Variants in CDK12 observed in about 807,000 individuals in gnomAD.
CDK12 encodes cyclin dependent kinase 12.
A neutral mutation model predicts 133.8 loss-of-function variants in CDK12; 17 were observed. The observed-to-expected ratio is 0.13, with a 90% CI of 0.09 to 0.19. The LOEUF (loss-of-function observed/expected upper bound fraction) is 0.19. Among genes scored for constraint, CDK12 ranks in the 10% least tolerant of loss-of-function variants. The pLI is 1.00. For missense variants in CDK12, 1,508 were observed against 1,818.7 expected (o/e 0.83, Z 3.11); for synonymous variants, 694 against 683.6 (o/e 1.02, Z -0.24).
Position 39,475,837 on chromosome 17 carries a change from G to A in CDK12, c.1931+4074G>A, listed in dbSNP as rs182655314. ...TGAGATTACAGGTGTGAGCCACCAT[G>A]TCAGGAACAGAATCTCAAATTTATG... On this transcript the variant is annotated intron_variant, in intron 2 of 13. Transcript: ENST00000447079. 2.5e-3 allele frequency among the ~76,000 whole-genome samples: 385 copies of A among 152,056 alleles called. 4 individuals are homozygous for A. The South Asian group carries it at 0.029, about 11-fold the overall frequency.
chr17:39,467,706 A>T (rs1234176337), intron 1 of CDK12, among the ~76,000 whole-genome samples: 2 of 152,054 alleles, frequency 1.3e-5, no homozygotes, highest in Non-Finnish European at 2.9e-5. Context: ...CCTGGGATAG[A>T]GATGTTACTT....
chr17:39,462,946 C>T lies in CDK12; in HGVS notation c.875C>T (p.Pro292Leu), dbSNP rs756879790. Residue 292 changes from proline (P) to leucine (L), a missense_variant, in exon 1 of 14, where the codon CCG becomes CTG. Pro to Leu is a moderately conservative substitution (Grantham distance 98). Coordinates refer to ENST00000447079, the MANE Select transcript of CDK12 (RefSeq NM_016507.4). Reference protein sequence around the residue: ...PSAYQSSTRSPSPYSRRQRSV... With the variant: ...PSAYQSSTRSLSPYSRRQRSV... ...GCCTACCAGTCCAGCACCCGGTCAC[C>T]GAGCCCCTACAGTAGGCGACAGAGA... The T allele has an allele frequency of 1.9e-6, 3 of 1,614,182 alleles. No homozygotes were observed. In the South Asian group the frequency reaches 3.3e-5, roughly 18 times the overall value.
At position 39,463,131 on chromosome 17, in the gene CDK12, C is replaced by T. The variant is rs1159197150; in HGVS notation, c.1046+14C>T. ...TCCACTCCCCAGGTGAGCTATTTGT[C>T]TAACAGTCCTTCCTCATTTAGGGTG... On this transcript the variant is annotated intron_variant, in intron 1 of 13. Coordinates refer to ENST00000447079, the MANE Select transcript of CDK12 (RefSeq NM_016507.4). The T allele has an allele frequency of 6.2e-7, 1 of 1,606,978 alleles. No individual in the cohort carries two copies. Among genetic ancestry groups the T allele is most frequent in the Non-Finnish European group, 8.5e-7 (1 of 1,175,422 alleles).
rs754262105 is a variant in CDK12, at chr17:39,462,228, A to G, written c.157A>G (p.Met53Val). Reference protein sequence around the residue: ...KRHKSKHSKDMGLVTPEAASL... With the variant: ...KRHKSKHSKDVGLVTPEAASL... Reference sequence around the variant, plus strand: ...GCATAAGTCCAAACACTCCAAAGACATGGGGTTGGTGACCCCCGAAGCAGC... The same window carrying G: ...GCATAAGTCCAAACACTCCAAAGACGTGGGGTTGGTGACCCCCGAAGCAGC... The change falls in exon 1 of 14, where the codon ATG (methionine) becomes GTG (valine). Residue 53 changes from methionine to valine, a missense_variant. Physicochemically the swap from Met to Val is conservative, Grantham distance 21 (BLOSUM62 1). Coordinates refer to ENST00000447079, the MANE Select transcript of CDK12 (RefSeq NM_016507.4). 12 of 1,614,222 alleles carry G rather than the reference A, an allele frequency of 7.4e-6. No individual in the cohort carries two copies. The highest frequency in any genetic ancestry group is 1.0e-5 in the Non-Finnish European group (12 of 1,180,042).
At chr17:39,537,545 T>TTTATTTA (rs2055188601), downstream of CDK12, among the ~76,000 whole-genome samples, 2 of 142,486 alleles carry the variant, frequency 1.4e-5, no homozygotes, top group Non-Finnish European at 1.5e-5. Context: ...AATTCCTTAT[T>TTTATTTA]TTTATTTATT....
chr17:39,492,009 G>T (rs1598030168), intron 3 of CDK12, among the ~76,000 whole-genome samples: 1 of 126,736 alleles, frequency 7.9e-6, no homozygotes, highest in East Asian at 2.3e-4. Flanking sequence ...TGCCTGTAGA[G>T]TACTAAAAAA....
At chr17:39,534,697 T>G (rs1201237991), downstream of CDK12, 2 of 196,280 alleles carry the variant, frequency 1.0e-5, no homozygotes, top group African/African-American at 4.6e-5. Context: ...CAAAAGGTTA[T>G]CAGGATTTGA....
At chr17:39,490,458 C>A in intron 2 of CDK12, 99 bp from the exon 3 acceptor site, 1 of 708,386 alleles carries the variant, frequency 1.4e-6, no homozygotes, top group Non-Finnish European at 2.2e-6. Context: ...AAAATTAGAT[C>A]TTTCTAACCT....
chr17:39,473,538 T>C (rs117380745), intron 2 of CDK12, among the ~76,000 whole-genome samples: 8,036 of 151,038 alleles, frequency 0.053, 243 homozygotes, highest in Non-Finnish European at 0.078. Context: ...AACCCAGGAG[T>C]TCAAGACCAG....
chr17:39,513,494 T>C (rs2053614578), intron 8 of CDK12, among the ~76,000 whole-genome samples: 2 of 152,216 alleles, frequency 1.3e-5, no homozygotes, highest in South Asian at 4.1e-4. Context: ...CAATTTGCTT[T>C]AACAGTATTA....
intron 1 of CDK12, 146 bp from the exon 2 acceptor site, chr17:39,470,733 T>C: frequency 1.6e-6 from 1 of 640,756 alleles, no homozygotes; most frequent in East Asian, 2.9e-5. Flanking sequence ...ATTGGGCTGG[T>C]TTCTCAGACT....
chr17:39,535,609 G>C (rs2055098397), downstream of CDK12, among the ~76,000 whole-genome samples: 1 of 152,092 alleles, frequency 6.6e-6, no homozygotes, highest in African/African-American at 2.4e-5. Context: ...GGGCCTAAAG[G>C]CTGAGGACCT....
rs190190310 is a variant in CDK12, at chr17:39,522,686, G to T, written c.3096-1988G>T. On this transcript the variant is annotated intron_variant, in intron 11 of 13. Transcript: ENST00000447079. ...TGACCTCAGGTGATTCGCCTGCCTC[G>T]TCCTCCCAAAGTGCTGTGATTATAG... is the stretch of plus-strand genomic sequence containing the variant. 5.3e-4 allele frequency among the ~76,000 whole-genome samples: 80 copies of T among 152,134 alleles called. No homozygotes were observed. The East Asian group carries it at 0.014, about 27-fold the overall frequency.
chr17:39,507,867 A>G (rs1161153484), intron 6 of CDK12, among the ~76,000 whole-genome samples: 1 of 152,176 alleles, frequency 6.6e-6, no homozygotes, highest in Non-Finnish European at 1.5e-5. Context: ...AACTTAATGT[A>G]ATGGTGTTTG....
At chr17:39,490,535 T>C (rs2051507894) in intron 2 of CDK12, 22 bp from the exon 3 acceptor site, 3 of 1,543,848 alleles carry the variant, frequency 1.9e-6, no homozygotes. Context: ...AATTTTGTCA[T>C]CTCTTCTCAT....
intron 4 of CDK12, among the ~76,000 whole-genome samples, chr17:39,493,170 T>TTG (rs1467809549): frequency 1.3e-4 from 20 of 150,260 alleles, no homozygotes; most frequent in African/African-American, 4.4e-4. Flanking sequence ...ATTTTTGTTT[T>TTG]TTTTTTTTTT....
At chr17:39,468,949 C>T (rs548607927) in intron 1 of CDK12, among the ~76,000 whole-genome samples, 24 of 152,274 alleles carry the variant, frequency 1.6e-4, no homozygotes, top group African/African-American at 5.5e-4. Context: ...CTCCCTCAGC[C>T]TCCCAAGTAG....
chr17:39,479,308 GAAAAAAAAAA>G (rs34077108), intron 2 of CDK12, among the ~76,000 whole-genome samples: 1 of 100,448 alleles, frequency 1.0e-5, no homozygotes, highest in Admixed American at 1.3e-4. Context: ...GACTCCGTCT[GAAAAAAAAAA>G]AAAAAAAAAA....
At chr17:39,485,454 G>A (rs535644886) in intron 2 of CDK12, among the ~76,000 whole-genome samples, 80 of 121,060 alleles carry the variant, frequency 6.6e-4, no homozygotes, top group African/African-American at 2.5e-3. Context: ...TCACTCTGTC[G>A]CCAGGCTGGA....
Sources: gnomAD v4.1 joint callset for allele counts (sites outside exome capture counted in the v4.1 genomes callset) on GRCh38, gnomAD v4.1.1 for gene constraint, MANE v1.5 for transcripts, NCBI Gene and HGNC (gene_info 2026-07-23, HGNC 2026-07-21) for gene names.